Variants in PLEKHG1 observed in about 807,000 individuals in gnomAD.
The protein encoded by PLEKHG1 is pleckstrin homology domain-containing family G member 1.
Under a neutral mutation model 100.8 loss-of-function variants are expected in PLEKHG1, and 44 were observed. The observed-to-expected ratio is 0.44, with a 90% CI of 0.34 to 0.56. The LOEUF (loss-of-function observed/expected upper bound fraction) is 0.56. Ranked by LOEUF, PLEKHG1 falls within the 20% of genes least tolerant of loss-of-function variation. The pLI is 0.01. For missense variants in PLEKHG1, 1,545 were observed against 1,720.9 expected (o/e 0.90, Z 1.81); for synonymous variants, 640 against 662.5 (o/e 0.97, Z 0.52).
chr6:150,762,222 C>T (rs1180427435), intron 2 of PLEKHG1, among the ~76,000 whole-genome samples: 5 of 149,824 alleles, frequency 3.3e-5, no homozygotes, highest in Non-Finnish European at 4.4e-5. Flanking sequence ...TTGAGTCTCA[C>T]TCTGTTGCCC....
exon 16 of PLEKHG1, chr6:150,840,919 A>C: frequency 6.6e-7 from 1 of 1,526,150 alleles, no homozygotes; most frequent in Non-Finnish European, 9.1e-7. Flanking sequence ...TAACTGCTTG[A>C]ATCAACTTCT....
chr6:150,754,107 T>G (rs1783684205), intron 2 of PLEKHG1, among the ~76,000 whole-genome samples: 1 of 152,176 alleles, frequency 6.6e-6, no homozygotes, highest in Non-Finnish European at 1.5e-5. Context: ...TTAGAATACC[T>G]GACCCAGACA....
intron 3 of PLEKHG1, among the ~76,000 whole-genome samples, chr6:150,701,992 C>G (rs1284902865): frequency 6.6e-6 from 1 of 152,178 alleles, no homozygotes; most frequent in African/African-American, 2.4e-5. Flanking sequence ...AAGTTAAAAT[C>G]TATGATCATA....
At chr6:150,737,605 A>G (rs1782636855) in intron 2 of PLEKHG1, among the ~76,000 whole-genome samples, 1 of 152,102 alleles carries the variant, frequency 6.6e-6, no homozygotes, top group Admixed American at 6.6e-5. Context: ...GTATTCTTTT[A>G]AAACATAGAA....
intron 5 of PLEKHG1, 39 bp from the exon 7 acceptor site, chr6:150,800,680 G>T (rs1408276684): frequency 2.5e-6 from 4 of 1,595,338 alleles, no homozygotes; most frequent in Non-Finnish European, 3.4e-6. Context: ...CCCACATAAA[G>T]CATTACAATT....
Position 150,683,160 on chromosome 6 carries a change from A to C in PLEKHG1, c.-99+32374A>C, listed in dbSNP as rs962568483. Among the ~76,000 whole-genome samples, 1 of 152,210 alleles carries C rather than the reference A, an allele frequency of 6.6e-6. No individual in the cohort carries two copies. Among genetic ancestry groups the C allele is most frequent in the African/African-American group, 2.4e-5 (1 of 41,448 alleles). ...CCAGAGAGACACATGGCCCGAGTCA[A>C]CCTTATCCTCTGTAGAGGGCAGATG... On this transcript the variant is annotated intron_variant, in intron 3 of 3. Coordinates refer to the PLEKHG1 transcript ENST00000367326. This position sits in a 1 kb window ranked among gnomAD's most constrained non-coding sequence, Gnocchi z 4.0.
intron 3 of PLEKHG1, among the ~76,000 whole-genome samples, chr6:150,772,094 T>C (rs1784740567): frequency 2.0e-5 from 3 of 152,236 alleles, no homozygotes; most frequent in Non-Finnish European, 4.4e-5. Flanking sequence ...AAACCAGTTC[T>C]CCAGCATGGG....
At chr6:150,713,768 T>C (rs571217207) in intron 3 of PLEKHG1, among the ~76,000 whole-genome samples, 1 of 152,240 alleles carries the variant, frequency 6.6e-6, no homozygotes, top group African/African-American at 2.4e-5. Context: ...GGGGGGCAGT[T>C]GGCAAGGTGG....
rs61521577 is a variant in PLEKHG1 at position 150,774,531 on chromosome 6, ATTTTTTTTTTTTT to A, written c.512+5809_512+5821del. Among the ~76,000 whole-genome samples, 363 of 87,166 alleles carry A rather than the reference ATTTTTTTTTTTTT, an allele frequency of 4.2e-3. 7 individuals are homozygous for A. The highest frequency in any genetic ancestry group is 3.4e-3 in the African/African-American group (91 of 26,570). 57.2% of individuals were successfully genotyped at this position (87,166 alleles called of 152,430 possible). A position where few individuals can be genotyped will look rare whatever the true frequency, so the allele number is the denominator to read the frequency against. ...TCTATTTAGGCACTGATTAGTTTGA[ATTTTTTTTTTTTT>A]TTTTTTTTTTTTTTTGAGACACAGT... On this transcript the variant is annotated intron_variant, in intron 3 of 15. Transcript: ENST00000358517.
intron 2 of PLEKHG1, among the ~76,000 whole-genome samples, chr6:150,747,858 T>C (rs1783249285): frequency 6.6e-6 from 1 of 150,766 alleles, no homozygotes; most frequent in Non-Finnish European, 1.5e-5. Flanking sequence ...ATCGCACCAT[T>C]GCACTCCAGC....
intron 2 of PLEKHG1, among the ~76,000 whole-genome samples, chr6:150,767,740 C>T (rs1657238852): frequency 1.3e-5 from 2 of 152,358 alleles, no homozygotes; most frequent in South Asian, 4.1e-4. Context: ...CACAGGGTTA[C>T]TTCCTCTAAA....
intron 3 of PLEKHG1, among the ~76,000 whole-genome samples, chr6:150,769,377 T>C (rs1479927918): frequency 1.3e-5 from 2 of 150,884 alleles, no homozygotes; most frequent in Non-Finnish European, 3.0e-5. Context: ...AGGTTAGGAG[T>C]TCGAGACCAG....
At chr6:150,605,238 A>G (rs2128550551) in intron 1 of PLEKHG1, among the ~76,000 whole-genome samples, 1 of 152,302 alleles carries the variant, frequency 6.6e-6, no homozygotes, top group South Asian at 2.1e-4. Context: ...CTTGCCTTAC[A>G]TCTCTAAACC....
intron 11 of PLEKHG1, among the ~76,000 whole-genome samples, chr6:150,819,287 G>A (rs1180999706): frequency 1.3e-5 from 2 of 152,004 alleles, no homozygotes; most frequent in Non-Finnish European, 2.9e-5. Context: ...CATATAGGCC[G>A]GGCATGGTGG....
chr6:150,611,564 C>T (rs767045025), intron 1 of PLEKHG1, among the ~76,000 whole-genome samples: 5 of 152,254 alleles, frequency 3.3e-5, no homozygotes, highest in Non-Finnish European at 1.5e-5. Context: ...GTAATCCCAA[C>T]ACTTTGGGAG....
intron 2 of PLEKHG1, 126 bp downstream of exon 3, chr6:150,734,218 G>C: frequency 4.2e-6 from 4 of 949,516 alleles, no homozygotes; most frequent in Non-Finnish European, 4.8e-6. Flanking sequence ...TGTTTAAAGA[G>C]AGAGTAATAA....
intron 3 of PLEKHG1, among the ~76,000 whole-genome samples, chr6:150,687,458 T>C (rs1471974582): frequency 1.3e-5 from 2 of 152,226 alleles, no homozygotes; most frequent in Non-Finnish European, 2.9e-5. Context: ...GAGGCAACAA[T>C]AGAACTAGTG....
chr6:150,730,443 G>A (rs1188290701), intron 1 of PLEKHG1, among the ~76,000 whole-genome samples: 2 of 152,154 alleles, frequency 1.3e-5, no homozygotes, highest in Admixed American at 1.3e-4. Flanking sequence ...TCCCTGGCAT[G>A]CATAGGTCAC....
intron 10 of PLEKHG1, among the ~76,000 whole-genome samples, chr6:150,814,104 C>T (rs1787715178): frequency 6.6e-6 from 1 of 152,170 alleles, no homozygotes; most frequent in Non-Finnish European, 1.5e-5. Flanking sequence ...CATGAGTTTT[C>T]ATTTCGTCAG....
Sources: gnomAD v4.1 joint callset for allele counts (sites outside exome capture counted in the v4.1 genomes callset) on GRCh38, gnomAD v4.1.1 for gene constraint, Gnocchi (gnomAD v3.1) non-coding constraint, MANE v1.5 for transcripts, NCBI Gene and HGNC (gene_info 2026-07-23, HGNC 2026-07-21) for gene names.